Variants in MACROD2 observed in about 807,000 individuals in gnomAD.
MACROD2 encodes the protein ADP-ribose glycohydrolase MACROD2.
MACROD2 carries 36 observed loss-of-function variants against 70.4 expected under a neutral mutation model. The observed-to-expected ratio is 0.51, with a 90% CI of 0.39 to 0.68. The LOEUF is 0.68. Among genes scored for constraint, MACROD2 ranks in the 30% least tolerant of loss-of-function variants. MACROD2 has a pLI of 0.00. For missense variants in MACROD2, 496 were observed against 538.4 expected (o/e 0.92, Z 0.78); for synonymous variants, 172 against 178.8 (o/e 0.96, Z 0.30).
intron 5 of MACROD2, among the ~76,000 whole-genome samples, chr20:14,693,328 A>C (rs1329697430): frequency 6.6e-6 from 1 of 152,222 alleles, no homozygotes; most frequent in Non-Finnish European, 1.5e-5. Flanking sequence ...AAGCCATCAG[A>C]ATGGCTTTGA....
intron 5 of MACROD2, among the ~76,000 whole-genome samples, chr20:14,980,399 G>A (rs527284804): frequency 6.8e-4 from 104 of 152,158 alleles, no homozygotes; most frequent in Non-Finnish European, 1.1e-3. Context: ...CCAGCAAGAC[G>A]GCCCTCACCA....
chr20:14,832,034 GTTTTT>G (rs1180071947), intron 5 of MACROD2, among the ~76,000 whole-genome samples: 15 of 63,676 alleles, frequency 2.4e-4, no homozygotes, highest in Non-Finnish European at 3.1e-4. Context: ...GCCTTTGCGA[GTTTTT>G]TTTTTTTTTT....
At chr20:14,226,003 A>G (rs2081729784) in intron 3 of MACROD2, among the ~76,000 whole-genome samples, 1 of 152,148 alleles carries the variant, frequency 6.6e-6, no homozygotes, top group African/African-American at 2.4e-5. Context: ...TGAGTGTGAG[A>G]GGGAAGTTGG....
intron 5 of MACROD2, among the ~76,000 whole-genome samples, chr20:14,814,445 G>A (rs1322092535): frequency 1.3e-5 from 2 of 152,036 alleles, no homozygotes; most frequent in African/African-American, 4.8e-5. Context: ...AAGGGAGTTA[G>A]CAGATATTTT....
intron 3 of MACROD2, among the ~76,000 whole-genome samples, chr20:14,341,361 G>A (rs573042406): frequency 3.7e-4 from 56 of 152,362 alleles, no homozygotes; most frequent in Admixed American, 1.8e-3. Context: ...AGTTTGGATG[G>A]GCGCAGTGGC....
At chr20:15,591,687 T>A (rs1405010500) in intron 8 of MACROD2, among the ~76,000 whole-genome samples, 1 of 151,798 alleles carries the variant, frequency 6.6e-6, no homozygotes, top group Non-Finnish European at 1.5e-5. Flanking sequence ...TTTTTCATCT[T>A]TAACCGGAAT....
chr20:14,597,467 CAT>C (rs541399971), intron 4 of MACROD2, among the ~76,000 whole-genome samples: 150 of 152,230 alleles, frequency 9.9e-4, no homozygotes, highest in South Asian at 7.0e-3. Context: ...TCCTCAAAAA[CAT>C]GTGCAAAATA....
intron 3 of MACROD2, among the ~76,000 whole-genome samples, chr20:14,100,849 T>C (rs993530646): frequency 7.1e-6 from 1 of 141,560 alleles, no homozygotes; most frequent in South Asian, 2.1e-4. Context: ...TAATATAATA[T>C]ATATCATATA....
intron 3 of MACROD2, among the ~76,000 whole-genome samples, chr20:14,341,109 A>ACATT: frequency 6.6e-6 from 1 of 152,326 alleles, no homozygotes; most frequent in East Asian, 1.9e-4. Flanking sequence ...CCTCATTCAC[A>ACATT]CATTCATTCA....
intron 4 of MACROD2, among the ~76,000 whole-genome samples, chr20:14,660,837 T>C (rs998037858): frequency 6.6e-6 from 1 of 152,130 alleles, no homozygotes; most frequent in Admixed American, 6.6e-5. Flanking sequence ...TGACGTAGTG[T>C]AATGGCCTCC....
At chr20:14,519,361 T>G (rs2085139278) in intron 4 of MACROD2, among the ~76,000 whole-genome samples, 1 of 151,670 alleles carries the variant, frequency 6.6e-6, no homozygotes, top group Non-Finnish European at 1.5e-5. Context: ...ATGTGTAGGG[T>G]TTTTAGAACC....
chr20:15,031,584 T>A (rs2075274679), intron 5 of MACROD2, among the ~76,000 whole-genome samples: 1 of 152,076 alleles, frequency 6.6e-6, no homozygotes, highest in Non-Finnish European at 1.5e-5. Flanking sequence ...CCATACTGGG[T>A]AGCTCCTTTC....
intron 5 of MACROD2, among the ~76,000 whole-genome samples, chr20:14,983,955 C>T (rs796228793): frequency 1.5e-4 from 23 of 152,268 alleles, no homozygotes; most frequent in Non-Finnish European, 2.6e-4. Context: ...GTACCTTTGA[C>T]GTGCAGAAGC....
chr20:14,833,750 A>G (rs1361052234), intron 5 of MACROD2, among the ~76,000 whole-genome samples: 1 of 152,092 alleles, frequency 6.6e-6, no homozygotes, highest in East Asian at 1.9e-4. Flanking sequence ...CTAGTGGAAA[A>G]TGCTGTCTGC....
At chr20:14,915,637 C>T (rs190449280) in intron 5 of MACROD2, among the ~76,000 whole-genome samples, 94 of 152,298 alleles carry the variant, frequency 6.2e-4, no homozygotes, top group Non-Finnish European at 7.4e-4. Context: ...TGAGGCCGCC[C>T]AGTGCCAAGG....
chr20:15,903,037 G>A (rs1209503365), intron 10 of MACROD2, among the ~76,000 whole-genome samples: 1 of 152,130 alleles, frequency 6.6e-6, no homozygotes, highest in African/African-American at 2.4e-5. Flanking sequence ...AAGCATAAAG[G>A]GGTAAGCCAG....
intron 6 of MACROD2, among the ~76,000 whole-genome samples, chr20:15,345,560 A>G (rs1198929168): frequency 1.7e-4 from 26 of 152,194 alleles, no homozygotes; most frequent in Admixed American, 1.7e-3. Flanking sequence ...GTGCTATTCA[A>G]TAGATTATTC....
At chr20:15,113,300 G>T (rs2075969133) in intron 5 of MACROD2, among the ~76,000 whole-genome samples, 1 of 152,134 alleles carries the variant, frequency 6.6e-6, no homozygotes, top group Non-Finnish European at 1.5e-5. Flanking sequence ...AGCACTGCTG[G>T]TGTAACAATG....
chr20:14,987,344 A>G (rs941568854), intron 5 of MACROD2, among the ~76,000 whole-genome samples: 4 of 152,168 alleles, frequency 2.6e-5, no homozygotes, highest in Non-Finnish European at 5.9e-5. Context: ...ACACAATTCC[A>G]GGCAACTAGT....
Sources: gnomAD v4.1 joint callset for allele counts (sites outside exome capture counted in the v4.1 genomes callset) on GRCh38, gnomAD v4.1.1 for gene constraint, MANE v1.5 for transcripts, NCBI Gene and HGNC (gene_info 2026-07-23, HGNC 2026-07-21) for gene names.